DCSTAMP: variants seen among roughly 807,000 people sequenced by gnomAD.
DCSTAMP encodes dendritic cell-specific transmembrane protein.
Under a neutral mutation model 33.8 loss-of-function variants are expected in DCSTAMP, and 25 were observed. That is an observed-to-expected ratio of 0.74 (90% confidence interval 0.54 to 1.03). DCSTAMP has a LOEUF of 1.03. Ranked by LOEUF, DCSTAMP falls within the 50% of genes least tolerant of loss-of-function variation. The pLI, the probability that DCSTAMP is intolerant of heterozygous loss-of-function variation, is 0.00. For missense variants in DCSTAMP, 531 were observed against 556.8 expected (o/e 0.95, Z 0.47); for synonymous variants, 245 against 216.7 (o/e 1.13, Z -1.15).
chr8:104,342,127 T>C (rs2140465763), intron 1 of DCSTAMP, among the ~76,000 whole-genome samples: 1 of 152,282 alleles, frequency 6.6e-6, no homozygotes, highest in Admixed American at 6.5e-5. Flanking sequence ...AAAATAAACA[T>C]TTCCGAGGTA....
At chr8:104,342,859 G>A (rs747097141) in intron 1 of DCSTAMP, among the ~76,000 whole-genome samples, 2 of 152,242 alleles carry the variant, frequency 1.3e-5, no homozygotes, top group African/African-American at 4.8e-5. Flanking sequence ...TGAGCAAGGT[G>A]AGCCTAACGC....
intron 1 of DCSTAMP, among the ~76,000 whole-genome samples, chr8:104,346,532 G>T (rs76836828): frequency 5.3e-5 from 8 of 152,186 alleles, no homozygotes; most frequent in Non-Finnish European, 2.9e-5. Context: ...ATGGCCTTTT[G>T]CTGGCCCCCA....
chr8:104,356,165 G>A lies in DCSTAMP; in HGVS notation c.1380G>A (p.Lys460=). The change falls in exon 4 of 4, where the codon AAG becomes AAA. Residue 460 remains lysine, a synonymous_variant. Coordinates refer to ENST00000297581, the MANE Select transcript of DCSTAMP (RefSeq NM_030788.4). ...WLPVLKMIRK[K]QMDMASADKS is the part of the protein sequence containing the mutation. ...CAGTCCTGAAAATGATTAGGAAGAA[G>A]CAAATGGACATGGCAAGTGCAGACA... 1 of 1,612,978 alleles carries A rather than the reference G, an allele frequency of 6.2e-7. No homozygotes were observed. Among genetic ancestry groups the A allele is most frequent in the Non-Finnish European group, 8.5e-7 (1 of 1,179,484 alleles).
At chr8:104,354,426 C>G (rs147642277) in intron 2 of DCSTAMP, among the ~76,000 whole-genome samples, 93 of 152,246 alleles carry the variant, frequency 6.1e-4, no homozygotes, top group African/African-American at 1.9e-3. Context: ...TTAGCTGACT[C>G]CCCGCTCTTT....
rs1810392625 is a variant in DCSTAMP at position 104,349,088 on chromosome 8, G to A, written c.536G>A (p.Ser179Asn). 6.2e-7 allele frequency: 1 copy of A among 1,613,980 alleles called. No individual in the cohort carries two copies. The highest frequency in any genetic ancestry group is 8.5e-7 in the Non-Finnish European group (1 of 1,180,050). ...CTGGCAGTCTCTCTTTTCAGTCCCA[G>A]CCATGTCCTGGAGGCACAGCTAAAT... ...QTLAVSLFSP[S>N]HVLEAQLNDS... Residue 179 changes from serine (S) to asparagine (N), a missense_variant, in exon 2 of 4, where the codon AGC (serine) becomes AAC (asparagine). Ser to Asn is a conservative substitution (Grantham distance 46). Coordinates refer to ENST00000297581, the MANE Select transcript of DCSTAMP (RefSeq NM_030788.4).
At chr8:104,353,510 C>A (rs1810524999) in intron 2 of DCSTAMP, among the ~76,000 whole-genome samples, 1 of 152,202 alleles carries the variant, frequency 6.6e-6, no homozygotes, top group Admixed American at 6.5e-5. Context: ...ATGTTTGTTT[C>A]TTCAATAGTA....
intron 2 of DCSTAMP, among the ~76,000 whole-genome samples, chr8:104,350,026 A>C (rs1404660386): frequency 6.6e-6 from 1 of 152,170 alleles, no homozygotes; most frequent in Non-Finnish European, 1.5e-5. Flanking sequence ...TTGCATGTGG[A>C]AAATCTCTCT....
chr8:104,348,737 C>T lies in DCSTAMP; in HGVS notation c.185C>T (p.Ala62Val), dbSNP rs1240227842. The T allele has an allele frequency of 3.1e-6, 5 of 1,614,050 alleles. No individual in the cohort carries two copies. The Admixed American group carries it at 8.3e-5, about 27-fold the overall frequency. The change falls in exon 2 of 4, where the codon GCT becomes GTT. Residue 62 changes from alanine to valine, a missense_variant. By Grantham distance (64) the Ala-to-Val change is moderately conservative. Transcript: ENST00000297581. ...CWFLPSIIAA[A>V]ASWIITCVLL... The stretch of plus-strand genomic sequence containing the variant: ...TTTCTGCCATCAATCATAGCGGCCG[C>T]TGCCTCCTGGATTATCACGTGTGTT...
chr8:104,341,560 G>A (rs553679315), intron 1 of DCSTAMP, among the ~76,000 whole-genome samples: 1 of 152,316 alleles, frequency 6.6e-6, no homozygotes, highest in East Asian at 1.9e-4. Flanking sequence ...TAGCTAGCAT[G>A]GGCAGGGTTG....
chr8:104,340,264 A>C (rs1258557555), intron 1 of DCSTAMP: 1 of 152,164 alleles, frequency 6.6e-6, no homozygotes, highest in Non-Finnish European at 1.5e-5. Context: ...AGCGTTCATT[A>C]ATCTTTCCTT....
chr8:104,346,999 A>C (rs1485543979), intron 1 of DCSTAMP, among the ~76,000 whole-genome samples: 2 of 152,238 alleles, frequency 1.3e-5, no homozygotes, highest in Non-Finnish European at 2.9e-5. Context: ...ATTGTTTAAA[A>C]ACTGATCAAT....
chr8:104,347,382 T>A (rs1385622588), intron 1 of DCSTAMP, among the ~76,000 whole-genome samples: 2 of 152,242 alleles, frequency 1.3e-5, no homozygotes, highest in African/African-American at 4.8e-5. Context: ...TAAGTTTGGA[T>A]GCCCTTGGTG....
Position 104,351,651 on chromosome 8 carries a change from G to A in DCSTAMP, c.1029+2070G>A, listed in dbSNP as rs148147423. On this transcript the variant is annotated intron_variant, in intron 2 of 3. Transcript: ENST00000297581. ...TTCATGAGCTTTCTGGAAAAAGGGT[G>A]GGGAGTTCCCAAGCCATGTAACACA... Among the ~76,000 whole-genome samples the A allele has an allele frequency of 1.6e-4, 24 of 152,268 alleles. No individual in the cohort carries two copies. In the East Asian group the frequency reaches 4.6e-3, roughly 29 times the overall value.
chr8:104,349,010 G>A lies in DCSTAMP; in HGVS notation c.458G>A (p.Gly153Asp). Residue 153 changes from glycine (G) to aspartate (D), a missense_variant, in exon 2 of 4, where the codon GGC becomes GAC. Physicochemically the swap from Gly to Asp is moderately conservative, Grantham distance 94. Transcript: ENST00000297581. ...KYIEAIQWIY[G>D]LATPLSVFDD... ...ATTGAGGCAATTCAGTGGATTTATGGCCTTGCCACTCCACTAAGTGTATTT... is the reference window on the plus strand; with the variant it reads ...ATTGAGGCAATTCAGTGGATTTATGACCTTGCCACTCCACTAAGTGTATTT... 2 of 1,614,160 alleles carry A rather than the reference G, an allele frequency of 1.2e-6. No homozygotes were observed. Among genetic ancestry groups the A allele is most frequent in the Non-Finnish European group, 8.5e-7 (1 of 1,180,042 alleles).
chr8:104,340,909 G>A (rs1322814917), intron 1 of DCSTAMP, among the ~76,000 whole-genome samples: 5 of 152,340 alleles, frequency 3.3e-5, no homozygotes, highest in South Asian at 2.1e-4. Flanking sequence ...GTGCTTGTCC[G>A]TTTGGGTTTA....
chr8:104,355,239 G>A (rs922675761), intron 3 of DCSTAMP, 54 bp downstream of exon 3: 2 of 1,544,548 alleles, frequency 1.3e-6, no homozygotes, highest in African/African-American at 2.8e-5. Context: ...GAGTTTGGAG[G>A]GAAATGGGAA....
chr8:104,349,454 T>G lies in DCSTAMP; in HGVS notation c.902T>G (p.Leu301Arg), dbSNP rs1810406617. The G allele has an allele frequency of 6.2e-7, 1 of 1,614,216 alleles. No homozygotes were observed. The highest frequency in any genetic ancestry group is 1.3e-5 in the African/African-American group (1 of 75,044). Residue 301 changes from leucine to arginine, a missense_variant, in exon 2 of 4, where the codon CTT becomes CGT. By Grantham distance (102) the Leu-to-Arg change is moderately radical. Coordinates refer to ENST00000297581, the MANE Select transcript of DCSTAMP (RefSeq NM_030788.4). The part of the protein sequence containing the change: ...KNLGLFFLPI[L>R]IHLCIWVLFA... Reference sequence around the variant, plus strand: ...CTGGGGCTGTTTTTCCTCCCCATACTTATCCATCTCTGCATCTGGGTGCTG... The same window carrying G: ...CTGGGGCTGTTTTTCCTCCCCATACGTATCCATCTCTGCATCTGGGTGCTG...
intron 1 of DCSTAMP, among the ~76,000 whole-genome samples, chr8:104,341,585 C>T (rs1218590654): frequency 2.6e-5 from 4 of 152,190 alleles, no homozygotes; most frequent in Non-Finnish European, 5.9e-5. Context: ...GGAAGTCTGG[C>T]TGTTTCTGTT....
chr8:104,345,625 C>T (rs1373744197), intron 1 of DCSTAMP, among the ~76,000 whole-genome samples: 1 of 151,930 alleles, frequency 6.6e-6, no homozygotes, highest in Admixed American at 6.6e-5. Context: ...TTAATGTGTC[C>T]ATAAATCTTT....
Sources: gnomAD v4.1 joint callset for allele counts (sites outside exome capture counted in the v4.1 genomes callset) on GRCh38, gnomAD v4.1.1 for gene constraint, MANE v1.5 for transcripts, NCBI Gene and HGNC (gene_info 2026-07-23, HGNC 2026-07-21) for gene names.